The following HTR1F variants were observed in gnomAD, a reference collection of about 807,000 sequenced individuals.
HTR1F encodes the protein 5-hydroxytryptamine receptor 1F.
HTR1F carries 17 observed loss-of-function variants against 24.0 expected under a neutral mutation model. The observed-to-expected ratio is 0.71, with a 90% confidence interval of 0.48 to 1.06. HTR1F has a LOEUF of 1.06. Ranked by LOEUF, HTR1F falls within the 50% of genes least tolerant of loss-of-function variation. The pLI is 0.00. For missense variants in HTR1F, 391 were observed against 427.8 expected (o/e 0.91, Z 0.76); for synonymous variants, 186 against 156.8 (o/e 1.19, Z -1.39).
chr3:87,832,555 T>C (rs1704604618), intron 2 of HTR1F, among the ~76,000 whole-genome samples: 1 of 152,160 alleles, frequency 6.6e-6, no homozygotes, highest in African/African-American at 2.4e-5. Context: ...CGCAAACTCC[T>C]GAACTCAGGC....
chr3:87,939,677 G>A (rs1704514096), intron 2 of HTR1F, among the ~76,000 whole-genome samples: 2 of 152,090 alleles, frequency 1.3e-5, no homozygotes, highest in South Asian at 4.1e-4. Context: ...TTCTCGGATA[G>A]TAGTTTGTAT....
rs963774192 is a variant in HTR1F, at chr3:87,991,376, G to A, written c.627G>A (p.Lys209=). 1.2e-6 allele frequency: 2 copies of A among 1,613,960 alleles called. No individual in the cohort carries two copies. The highest frequency in any genetic ancestry group is 1.7e-6 in the Non-Finnish European group (2 of 1,180,004). ...ACTACAAAATATATAGAGCAGCAAA[G>A]ACATTATACCACAAGAGACAAGCAA... is the stretch of plus-strand genomic sequence containing the variant. The part of the protein sequence containing the change: ...ILYYKIYRAA[K]TLYHKRQASR... The change falls in exon 3 of 3, where the codon AAG becomes AAA. Residue 209 remains lysine, a synonymous_variant. Transcript: ENST00000319595.
chr3:87,920,029 T>TTATA (rs74326472), intron 2 of HTR1F, among the ~76,000 whole-genome samples: 4,026 of 141,964 alleles, frequency 0.028, 100 homozygotes, highest in African/African-American at 0.039. Flanking sequence ...ATATGTAATA[T>TTATA]TATATATATA....
At chr3:87,935,706 T>C (rs991276088) in intron 2 of HTR1F, among the ~76,000 whole-genome samples, 1 of 152,150 alleles carries the variant, frequency 6.6e-6, no homozygotes, top group African/African-American at 2.4e-5. Flanking sequence ...TGTTGAAAAA[T>C]ATTCTGAAAT....
At position 87,904,291 on chromosome 3, in the gene HTR1F, A is replaced by C. The variant is rs368060869; in HGVS notation, c.-43+82167A>C. Among the ~76,000 whole-genome samples the C allele has an allele frequency of 5.3e-5, 8 of 152,140 alleles. 1 individual carries two copies. The highest frequency in any genetic ancestry group is 4.6e-4 in the Admixed American group (7 of 15,244). The stretch of plus-strand genomic sequence containing the variant: ...GCTGACGAGAGTGTAAAAAGGTTTA[A>C]ATTCATTGGAAAACTGTTTAGCAGT... On this transcript the variant is annotated intron_variant, in intron 2 of 2. Transcript: ENST00000319595.
chr3:87,910,516 A>C (rs1026672447), intron 2 of HTR1F, among the ~76,000 whole-genome samples: 7 of 152,068 alleles, frequency 4.6e-5, no homozygotes, highest in African/African-American at 1.7e-4. Flanking sequence ...CCCGCACAAT[A>C]ATACTGGGAG....
At position 87,807,173 on chromosome 3, in the gene HTR1F, G is replaced by C. The variant is rs76756972; in HGVS notation, c.-160+14331G>C. On this transcript the variant is annotated intron_variant, in intron 1 of 2. Transcript: ENST00000319595. ...TTCTATTTCTGTAAAAAATCTCATT[G>C]GTATTTTGATAGAGATTACATTGAA... Among the ~76,000 whole-genome samples, 687 of 152,008 alleles carry C rather than the reference G, an allele frequency of 4.5e-3. 51 individuals carry two copies. In the East Asian group the frequency reaches 0.12, roughly 27 times the overall value.
chr3:87,923,003 C>G (rs1400675832), intron 2 of HTR1F, among the ~76,000 whole-genome samples: 2 of 151,510 alleles, frequency 1.3e-5, no homozygotes, highest in Non-Finnish European at 3.0e-5. Context: ...TCCCGTTTTT[C>G]CAGCAACATT....
At chr3:87,940,195 G>T (rs1368780402) in intron 2 of HTR1F, among the ~76,000 whole-genome samples, 1 of 152,178 alleles carries the variant, frequency 6.6e-6, no homozygotes, top group Non-Finnish European at 1.5e-5. Context: ...TCTTAATTCT[G>T]AGTTCTAATT....
chr3:87,901,551 T>C (rs1443383155), intron 2 of HTR1F, among the ~76,000 whole-genome samples: 13 of 152,156 alleles, frequency 8.5e-5, no homozygotes. Flanking sequence ...CTAGACTTCT[T>C]AAGGGGCTTA....
chr3:87,915,703 G>T (rs1360277590), intron 2 of HTR1F, among the ~76,000 whole-genome samples: 18 of 152,106 alleles, frequency 1.2e-4, no homozygotes, highest in Non-Finnish European at 7.4e-5. Context: ...AGAAGTCTGG[G>T]ATTATGTTAA....
intron 2 of HTR1F, among the ~76,000 whole-genome samples, chr3:87,906,909 A>G (rs1388726508): frequency 6.6e-6 from 1 of 151,974 alleles, no homozygotes; most frequent in Non-Finnish European, 1.5e-5. Flanking sequence ...GTATATATAC[A>G]CCACATTTTC....
At chr3:87,910,578 A>T (rs1332198785) in intron 2 of HTR1F, among the ~76,000 whole-genome samples, 1 of 152,046 alleles carries the variant, frequency 6.6e-6, no homozygotes, top group Non-Finnish European at 1.5e-5. Flanking sequence ...CAGAAAATTA[A>T]CAGAGATATT....
At position 87,881,099 on chromosome 3, in the gene HTR1F, G is replaced by A. The variant is rs370326369; in HGVS notation, c.-43+58975G>A. ...GTTGGACATAGTGGGTGCAGCCCAC[G>A]GAGGGTGAGCCTAAGCAGGGCGGGG... On this transcript the variant is annotated intron_variant, in intron 2 of 2. Transcript: ENST00000319595. Among the ~76,000 whole-genome samples, 23 of 152,168 alleles carry A rather than the reference G, an allele frequency of 1.5e-4. 1 individual carries two copies. In the East Asian group the frequency reaches 2.1e-3, roughly 14 times the overall value.
At chr3:87,980,468 T>C (rs1705516257) in intron 2 of HTR1F, among the ~76,000 whole-genome samples, 2 of 152,274 alleles carry the variant, frequency 1.3e-5, no homozygotes, top group South Asian at 4.1e-4. Flanking sequence ...AGGAAGTGCA[T>C]GCTGACTGGT....
At chr3:87,950,125 A>C (rs1320549484) in intron 2 of HTR1F, among the ~76,000 whole-genome samples, 2 of 152,192 alleles carry the variant, frequency 1.3e-5, no homozygotes, top group Non-Finnish European at 2.9e-5. Context: ...CTTGAGAACC[A>C]ATGTACTCTT....
chr3:87,831,055 GA>G (rs1361797349), intron 2 of HTR1F, among the ~76,000 whole-genome samples: 1 of 151,960 alleles, frequency 6.6e-6, no homozygotes, highest in Non-Finnish European at 1.5e-5. Context: ...GTTGATAAAT[GA>G]AAAAATAATC....
At chr3:87,899,133 T>C (rs1165344871) in intron 2 of HTR1F, among the ~76,000 whole-genome samples, 2 of 152,204 alleles carry the variant, frequency 1.3e-5, no homozygotes, top group Admixed American at 6.5e-5. Flanking sequence ...TCAAAATTAA[T>C]TTAAATAACT....
intron 1 of HTR1F, among the ~76,000 whole-genome samples, chr3:87,820,912 G>A (rs960295389): frequency 1.3e-5 from 2 of 152,010 alleles, no homozygotes; most frequent in African/African-American, 4.8e-5. Context: ...TACTAAATAT[G>A]ACTAAATCAA....
Sources: gnomAD v4.1 joint callset for allele counts (sites outside exome capture counted in the v4.1 genomes callset) on GRCh38, gnomAD v4.1.1 for gene constraint, MANE v1.5 for transcripts, NCBI Gene and HGNC (gene_info 2026-07-23, HGNC 2026-07-21) for gene names.